Variants in ATOSA observed in about 807,000 individuals in gnomAD.
ATOSA encodes the protein atos homolog protein A.
the ATOSA span, among the ~76,000 whole-genome samples, chr15:52,693,191 G>C: frequency 6.6e-6 from 1 of 152,058 alleles, no homozygotes; most frequent in African/African-American, 2.4e-5. Context: ...AGGCCAAGGC[G>C]GGTGGATCAC....
chr15:52,698,315 A>G, the ATOSA span, among the ~76,000 whole-genome samples: 14 of 152,070 alleles, frequency 9.2e-5, no homozygotes, highest in African/African-American at 3.4e-4. Flanking sequence ...CTGGGGGAAC[A>G]TGCACAATGA....
chr15:52,614,729 T>C, the ATOSA span, among the ~76,000 whole-genome samples: 5 of 151,814 alleles, frequency 3.3e-5, no homozygotes, highest in Non-Finnish European at 5.9e-5. Flanking sequence ...ATGTCTGTAA[T>C]CTCAGCTACT....
the ATOSA span, among the ~76,000 whole-genome samples, chr15:52,694,170 T>TATA: frequency 6.2e-5 from 6 of 96,648 alleles, no homozygotes; most frequent in Admixed American, 2.2e-4. Context: ...ATATATATAT[T>TATA]TTTTTTTTTT....
At chr15:52,705,421 G>T in the ATOSA span, among the ~76,000 whole-genome samples, 2 of 152,040 alleles carry the variant, frequency 1.3e-5, no homozygotes, top group African/African-American at 4.8e-5. Context: ...GAGTTGATGG[G>T]TGCAGCAAAC....
At chr15:52,699,419 C>G in the ATOSA span, among the ~76,000 whole-genome samples, 3 of 151,786 alleles carry the variant, frequency 2.0e-5, no homozygotes, top group East Asian at 5.8e-4. Flanking sequence ...GGGTCCTCCT[C>G]CTGGTCCAAT....
chr15:52,631,179 T>C, the ATOSA span, among the ~76,000 whole-genome samples: 77 of 152,326 alleles, frequency 5.1e-4, no homozygotes, highest in African/African-American at 1.8e-3. Flanking sequence ...TCACATTGTC[T>C]CATGTATGAC....
chr15:52,662,930 T>C, the ATOSA span, among the ~76,000 whole-genome samples: 1 of 152,016 alleles, frequency 6.6e-6, no homozygotes, highest in Non-Finnish European at 1.5e-5. Flanking sequence ...TAGCTAACAG[T>C]AGATGCATGT....
the ATOSA span, among the ~76,000 whole-genome samples, chr15:52,627,682 AT>A: frequency 1.1e-3 from 160 of 146,286 alleles, no homozygotes; most frequent in African/African-American, 1.3e-3. Context: ...ATGCTTATGC[AT>A]TTTTTTTTTT....
chr15:52,651,592 T>TC, the ATOSA span, among the ~76,000 whole-genome samples: 4 of 152,212 alleles, frequency 2.6e-5, no homozygotes, highest in African/African-American at 9.6e-5. Context: ...TCACATTTTT[T>TC]CCCCATTAAA....
At chr15:52,626,054 T>C in the ATOSA span, among the ~76,000 whole-genome samples, 1 of 152,220 alleles carries the variant, frequency 6.6e-6, no homozygotes, top group African/African-American at 2.4e-5. Flanking sequence ...GCATGGCTCA[T>C]AGTGTATGCC....
At chr15:52,694,281 C>T in the ATOSA span, among the ~76,000 whole-genome samples, 1 of 152,028 alleles carries the variant, frequency 6.6e-6, no homozygotes, top group Non-Finnish European at 1.5e-5. Flanking sequence ...ATTCTCCTGC[C>T]TCAGCCTCCC....
At chr15:52,590,568 T>C in the ATOSA span, 1 of 152,230 alleles carries the variant, frequency 6.6e-6, no homozygotes, top group African/African-American at 2.4e-5. Flanking sequence ...AAAATTATTA[T>C]TAGAGTAACA....
the ATOSA span, among the ~76,000 whole-genome samples, chr15:52,636,607 G>C: frequency 6.6e-6 from 1 of 152,246 alleles, no homozygotes. Context: ...CTGGCATCTT[G>C]ATCTTGGGCT....
chr15:52,628,517 C>A, the ATOSA span, among the ~76,000 whole-genome samples: 1 of 152,026 alleles, frequency 6.6e-6, no homozygotes, highest in Non-Finnish European at 1.5e-5. Context: ...GTAAATACTG[C>A]AAAATGTAAA....
the ATOSA span, chr15:52,608,982 G>A: frequency 4.3e-6 from 7 of 1,612,196 alleles, no homozygotes; most frequent in African/African-American, 1.3e-5. Context: ...CAATAGTGGT[G>A]CAATTTGAAT....
the ATOSA span, among the ~76,000 whole-genome samples, chr15:52,594,006 A>C: frequency 1.3e-4 from 20 of 152,144 alleles, no homozygotes; most frequent in African/African-American, 4.3e-4. Context: ...CTCACACTGA[A>C]CTCTCCTGCA....
chr15:52,591,334 G>T, the ATOSA span, among the ~76,000 whole-genome samples: 2 of 152,146 alleles, frequency 1.3e-5, no homozygotes, highest in Non-Finnish European at 2.9e-5. Flanking sequence ...GGGTTCAAGC[G>T]ATTCTCCTGC....
At chr15:52,650,432 A>T in the ATOSA span, among the ~76,000 whole-genome samples, 1 of 152,216 alleles carries the variant, frequency 6.6e-6, no homozygotes, top group Admixed American at 6.5e-5. Flanking sequence ...AGGTCTACGT[A>T]AAACATTTTT....
chr15:52,629,930 A>G, the ATOSA span, among the ~76,000 whole-genome samples: 1 of 152,250 alleles, frequency 6.6e-6, no homozygotes, highest in African/African-American at 2.4e-5. Flanking sequence ...AACAATATAC[A>G]GCAGGAAAAT....
Sources: allele counts gnomAD v4.1 joint callset (sites outside exome capture counted in the v4.1 genomes callset), GRCh38; gene constraint gnomAD v4.1.1; transcripts MANE v1.5; gene names NCBI Gene and HGNC (gene_info 2026-07-23, HGNC 2026-07-21).